The following BRAF variants were observed in gnomAD, a reference collection of about 807,000 sequenced individuals.
BRAF encodes the protein B-Raf proto-oncogene, serine/threonine kinase.
A neutral mutation model predicts 104.6 loss-of-function variants in BRAF; 16 were observed. The ratio of observed to expected loss-of-function variants is 0.15; its 90% CI spans 0.10 to 0.23. The LOEUF (loss-of-function observed/expected upper bound fraction) is 0.23, where lower values mean the gene tolerates loss of function less well. Ranked by LOEUF, BRAF falls within the 10% of genes least tolerant of loss-of-function variation. The pLI is 1.00. For synonymous variants in BRAF, 310 were observed against 341.6 expected (o/e 0.91, Z 1.02); for missense variants, 541 against 937.3 (o/e 0.58, Z 5.52).
chr7:140,843,072 T>A (rs1562990181), intron 2 of BRAF, among the ~76,000 whole-genome samples: 1 of 152,184 alleles, frequency 6.6e-6, no homozygotes, highest in Non-Finnish European at 1.5e-5. Flanking sequence ...CTTGACAGCA[T>A]ACAAACTAAT....
intron 14 of BRAF, among the ~76,000 whole-genome samples, chr7:140,760,932 C>T (rs1441386426): frequency 3.3e-5 from 5 of 152,048 alleles, no homozygotes; most frequent in Non-Finnish European, 5.9e-5. Flanking sequence ...CTGAAAGTGA[C>T]GGGGAGAATG....
At chr7:140,745,263 A>T (rs1352326404) in intron 17 of BRAF, among the ~76,000 whole-genome samples, 2 of 152,194 alleles carry the variant, frequency 1.3e-5, no homozygotes, top group Non-Finnish European at 2.9e-5. Flanking sequence ...ACTTAAGATA[A>T]AAACTTTTAG....
intron 16 of BRAF, 146 bp downstream of exon 15, chr7:140,753,128 AT>A: frequency 1.5e-6 from 1 of 648,630 alleles, no homozygotes; most frequent in East Asian, 2.9e-5. Context: ...TAAAAAATCT[AT>A]TTACATAAAA....
chr7:140,767,141 C>T (rs1426216560), intron 14 of BRAF, among the ~76,000 whole-genome samples: 4 of 151,982 alleles, frequency 2.6e-5, no homozygotes, highest in Non-Finnish European at 5.9e-5. Context: ...GTAGCTGGGA[C>T]CACAGGCACA....
At chr7:140,871,297 C>G (rs2129093182) in intron 1 of BRAF, among the ~76,000 whole-genome samples, 1 of 148,658 alleles carries the variant, frequency 6.7e-6, no homozygotes, top group East Asian at 2.0e-4. Context: ...ATATTTGTAT[C>G]TGATCTAAAC....
At chr7:140,823,440 T>C (rs1401444403) in intron 3 of BRAF, 1 of 152,212 alleles carries the variant, frequency 6.6e-6, no homozygotes, top group African/African-American at 2.4e-5. Flanking sequence ...GACTGGCTCA[T>C]TTCACTTAAC....
In BRAF at chr7:140,924,682, C is replaced by T; in HGVS notation, c.22G>A (p.Gly8Ser). 8.6e-7 allele frequency: 1 copy of T among 1,162,152 alleles called. No individual in the cohort carries two copies. The allele number at this position is 1,162,152 out of a possible 1,614,324, so 72.0% of individuals were successfully genotyped here. A position where few individuals can be genotyped will look rare whatever the true frequency, so the allele number is the denominator to read the frequency against. Residue 8 changes from glycine (G) to serine (S), a missense_variant, in exon 1 of 20, where the codon GGT becomes AGT. Gly to Ser is a moderately conservative substitution (Grantham distance 56). Transcript: ENST00000644969. The surrounding 1 kb of genome is among the most constrained non-coding windows in gnomAD (Gnocchi z 4.2). ...TGGCCCGGCTCCGCGCCGCCACCAC[C>T]GCCACCGCTCAGCGCCGCCATCTTA... MAALSGG[G>S]GGGAEPGQAL...
intron 14 of BRAF, among the ~76,000 whole-genome samples, chr7:140,764,582 T>A (rs891410526): frequency 1.3e-5 from 2 of 152,250 alleles, no homozygotes; most frequent in Admixed American, 6.5e-5. Context: ...CTTAAGCTGA[T>A]AAGCAACTTC....
intron 3 of BRAF, among the ~76,000 whole-genome samples, chr7:140,821,605 A>C (rs1447876773): frequency 1.3e-5 from 2 of 152,084 alleles, no homozygotes; most frequent in African/African-American, 2.4e-5. Context: ...AAAGCTGCAG[A>C]GAAAAGGGAA....
chr7:140,840,450 A>G (rs980862714), intron 2 of BRAF, among the ~76,000 whole-genome samples: 3 of 152,074 alleles, frequency 2.0e-5, no homozygotes. Flanking sequence ...AATACCACAG[A>G]ATGGGAGAAA....
chr7:140,875,417 C>T (rs1812119086), intron 1 of BRAF, among the ~76,000 whole-genome samples: 1 of 152,184 alleles, frequency 6.6e-6, no homozygotes, highest in South Asian at 2.1e-4. Context: ...GCTCTGTCGC[C>T]CAGGCTGGAG....
intron 17 of BRAF, among the ~76,000 whole-genome samples, chr7:140,746,170 A>T (rs1797330839): frequency 6.6e-6 from 1 of 152,240 alleles, no homozygotes; most frequent in Non-Finnish European, 1.5e-5. Context: ...TTATAACTGG[A>T]ATAATACACT....
intron 3 of BRAF, among the ~76,000 whole-genome samples, chr7:140,812,207 GGAGA>G (rs775358425): frequency 1.5e-5 from 2 of 137,744 alleles, no homozygotes; most frequent in Non-Finnish European, 3.1e-5. Flanking sequence ...GGTGGGAGGG[GGAGA>G]GAGAGAAAGA....
downstream of BRAF, among the ~76,000 whole-genome samples, chr7:140,717,019 C>G (rs1175288619): frequency 6.6e-6 from 1 of 152,204 alleles, no homozygotes; most frequent in Non-Finnish European, 1.5e-5. Flanking sequence ...CTAGCAGTGT[C>G]TTCCCAGATT....
chr7:140,779,255 C>CAG (rs922729547), intron 12 of BRAF, among the ~76,000 whole-genome samples: 1 of 152,060 alleles, frequency 6.6e-6, no homozygotes, highest in African/African-American at 2.4e-5. Context: ...TTTTTAGAGA[C>CAG]AGAGTCTTGC....
chr7:140,879,128 T>C (rs1812590433), intron 1 of BRAF, among the ~76,000 whole-genome samples: 1 of 152,066 alleles, frequency 6.6e-6, no homozygotes, highest in African/African-American at 2.4e-5. Context: ...TCCACCTGCC[T>C]TGGCCTCCCA....
At position 140,734,775 on chromosome 7, in the gene BRAF, AAAAAAAAAAAG is replaced by A. The variant is rs749903414; in HGVS notation, c.2248-16_2248-6del. The A allele has an allele frequency of 1.0e-5, 11 of 1,056,452 alleles. No homozygotes were observed. The highest frequency in any genetic ancestry group is 1.8e-5 in the South Asian group (1 of 56,110). 65.4% of individuals were successfully genotyped at this position (1,056,452 alleles called of 1,614,324 possible). A position where few individuals can be genotyped will look rare whatever the true frequency, so the allele number is the denominator to read the frequency against. On this transcript the variant is annotated splice_region_variant and splice_polypyrimidine_tract_variant and intron_variant, in intron 18 of 19. Coordinates refer to ENST00000644969, the MANE Select transcript of BRAF (RefSeq NM_001374258.1). Reference sequence around the variant, plus strand: ...CAGCTCAATAGAGGCGAGAATCTACAAAAAAAAAAAGAAAAAAAAAAGAAAAAAAAAGAAAA... The same window carrying A: ...CAGCTCAATAGAGGCGAGAATCTACAAAAAAAAAAAGAAAAAAAAAGAAAA...
Position 140,816,465 on chromosome 7 carries a change from A to G in BRAF, c.505-7470T>C, listed in dbSNP as rs541668187. On this transcript the variant is annotated intron_variant, in intron 3 of 19. Coordinates refer to ENST00000644969, the MANE Select transcript of BRAF (RefSeq NM_001374258.1). ...TTCTGGTATTCGTTTTATTGCTAAA[A>G]TAAGAACATACCTTTTCCTTAATCT... 5.9e-5 allele frequency among the ~76,000 whole-genome samples: 9 copies of G among 152,354 alleles called. No individual in the cohort carries two copies. In the East Asian group the frequency reaches 1.7e-3, roughly 29 times the overall value.
intron 15 of BRAF, 40 bp from the exon 15 acceptor site, chr7:140,753,433 T>C (rs1241790705): frequency 1.5e-6 from 2 of 1,301,498 alleles, no homozygotes; most frequent in African/African-American, 2.9e-5. Context: ...AGATCTCATT[T>C]TCCTATCAGA....
Sources: allele counts gnomAD v4.1 joint callset (sites outside exome capture counted in the v4.1 genomes callset), GRCh38; gene constraint gnomAD v4.1.1; non-coding constraint Gnocchi (gnomAD v3.1); transcripts MANE v1.5; gene names NCBI Gene and HGNC (gene_info 2026-07-23, HGNC 2026-07-21).